Variants in TRPM1 observed in about 807,000 individuals in gnomAD.
TRPM1 encodes TRPM1-203 APA Isoform, Intron 10.
In TRPM1, 113 loss-of-function variants were observed where a neutral mutation model predicts 149.4. The ratio of observed to expected loss-of-function variants is 0.76; its 90% CI spans 0.65 to 0.88. The LOEUF (loss-of-function observed/expected upper bound fraction) is 0.88. Among genes scored for constraint, TRPM1 ranks in the 40% least tolerant of loss-of-function variants. TRPM1 has a pLI of 0.00. For missense variants in TRPM1, 1,976 were observed against 2,038.7 expected (o/e 0.97, Z 0.59); for synonymous variants, 741 against 759.5 (o/e 0.98, Z 0.40).
chr15:31,077,013 A>C, intron 2 of TRPM1, 29 bp from the exon 3 acceptor site: 1 of 1,460,914 alleles, frequency 6.8e-7, no homozygotes, highest in Non-Finnish European at 9.6e-7. Context: ...TGGATATTGG[A>C]CCAATACATT....
chr15:31,145,097 C>A (rs753860872), intron 1 of TRPM1, among the ~76,000 whole-genome samples: 40 of 152,150 alleles, frequency 2.6e-4, no homozygotes, highest in Non-Finnish European at 5.9e-5. Flanking sequence ...CAATATCTTA[C>A]AACTCTCCGA....
chr15:31,032,969 C>T, intron 21 of TRPM1, 29 bp from the exon 22 acceptor site: 3 of 1,613,684 alleles, frequency 1.9e-6, no homozygotes, highest in East Asian at 2.2e-5. Context: ...GAACAATAAA[C>T]TGAGATGCCG....
intron 27 of TRPM1, among the ~76,000 whole-genome samples, chr15:31,023,408 C>T (rs1159795982): frequency 6.6e-6 from 1 of 152,154 alleles, no homozygotes; most frequent in Non-Finnish European, 1.5e-5. Context: ...ACAGTGGGGG[C>T]CACAGAGGGT....
intron 1 of TRPM1, among the ~76,000 whole-genome samples, chr15:31,092,665 T>C (rs767657590): frequency 2.0e-5 from 3 of 152,220 alleles, no homozygotes; most frequent in African/African-American, 4.8e-5. Flanking sequence ...ACTGGAAATA[T>C]ACTTGTGCAT....
chr15:31,116,662 C>A (rs1016934098), intron 1 of TRPM1, among the ~76,000 whole-genome samples: 26 of 151,768 alleles, frequency 1.7e-4, no homozygotes, highest in African/African-American at 6.0e-4. Flanking sequence ...CCACACCTTA[C>A]CGGCATCACC....
At chr15:31,020,941 AAGCCACAC>A (rs1427664549) in intron 27 of TRPM1, among the ~76,000 whole-genome samples, 2 of 152,114 alleles carry the variant, frequency 1.3e-5, no homozygotes, top group African/African-American at 4.8e-5. Context: ...GGCAAGAACG[AAGCCACAC>A]CCTCCAGTAC....
chr15:31,061,313 A>G, intron 10 of TRPM1, 129 bp downstream of exon 10: 1 of 874,548 alleles, frequency 1.1e-6, no homozygotes, highest in South Asian at 1.4e-5. Context: ...TCATGCTGAG[A>G]CTGCTCAAGT....
At chr15:31,136,061 C>T (rs546041632) in intron 1 of TRPM1, among the ~76,000 whole-genome samples, 2 of 152,124 alleles carry the variant, frequency 1.3e-5, no homozygotes, top group African/African-American at 2.4e-5. Context: ...AATCCCTGAA[C>T]GTGTATAGGC....
In TRPM1 at chr15:31,124,616, C is replaced by T. The variant is rs964047351; in HGVS notation, c.54+36290G>A. On this transcript the variant is annotated intron_variant, in intron 1 of 26. Transcript: ENST00000542188. ...TTGCAGTGACCCAAGATCGCACCAT[C>T]GTACTCCAGCCTGGATGACAGAGTT... Among the ~76,000 whole-genome samples the T allele has an allele frequency of 4.2e-5, 6 of 141,764 alleles. No homozygotes were observed. The South Asian group carries it at 6.7e-4, about 16-fold the overall frequency. The allele number at this position is 141,764 out of a possible 152,430, so 93.0% of individuals were successfully genotyped here. A position where few individuals can be genotyped will look rare whatever the true frequency, so the allele number is the denominator to read the frequency against.
intron 11 of TRPM1, 83 bp downstream of exon 11, chr15:31,060,461 C>G: frequency 8.6e-7 from 1 of 1,168,512 alleles, no homozygotes; most frequent in Non-Finnish European, 1.3e-6. Context: ...TTCCTGAATT[C>G]CATGTCACAA....
chr15:31,048,407 T>C (rs1432739119), intron 13 of TRPM1, among the ~76,000 whole-genome samples: 1 of 152,186 alleles, frequency 6.6e-6, no homozygotes, highest in Non-Finnish European at 1.5e-5. Context: ...GAGCTGGTCA[T>C]GGTTAGAAAG....
At chr15:31,054,484 G>A (rs1317662070) in intron 11 of TRPM1, among the ~76,000 whole-genome samples, 1 of 151,864 alleles carries the variant, frequency 6.6e-6, no homozygotes, top group African/African-American at 2.4e-5. Context: ...TAGTAGAGAC[G>A]GGGTTTCACC....
At chr15:31,103,149 C>T (rs997518158), upstream of TRPM1, among the ~76,000 whole-genome samples, 6 of 152,214 alleles carry the variant, frequency 3.9e-5, no homozygotes, top group African/African-American at 1.4e-4. Flanking sequence ...CGACCGGCTG[C>T]CAGTCAGTGG....
At chr15:31,017,607 C>T (rs1282846185) in intron 27 of TRPM1, among the ~76,000 whole-genome samples, 1 of 152,190 alleles carries the variant, frequency 6.6e-6, no homozygotes, top group Admixed American at 6.5e-5. Context: ...ACTGTGTGCT[C>T]TGTGAACTGT....
intron 16 of TRPM1, among the ~76,000 whole-genome samples, chr15:31,044,498 C>T (rs1247753190): frequency 1.3e-5 from 2 of 152,084 alleles, no homozygotes; most frequent in Non-Finnish European, 2.9e-5. Context: ...AGAGGCTGGG[C>T]GTGGTGGCTC....
chr15:31,150,837 T>C (rs891295710), intron 1 of TRPM1, among the ~76,000 whole-genome samples: 3 of 152,132 alleles, frequency 2.0e-5, no homozygotes, highest in Non-Finnish European at 2.9e-5. Flanking sequence ...TAAGAAAGTC[T>C]ACACAGGTGA....
At chr15:31,087,507 G>T (rs2035037034) in intron 1 of TRPM1, among the ~76,000 whole-genome samples, 1 of 151,948 alleles carries the variant, frequency 6.6e-6, no homozygotes, top group Non-Finnish European at 1.5e-5. Flanking sequence ...GCCTGCCTCA[G>T]CCTCCCAAAG....
chr15:31,096,504 G>A (rs2035388982), intron 1 of TRPM1, among the ~76,000 whole-genome samples: 2 of 152,180 alleles, frequency 1.3e-5, no homozygotes, highest in South Asian at 4.1e-4. Flanking sequence ...CACCTCAACA[G>A]CTCCCCTTCC....
At chr15:31,145,697 A>C (rs2036216328) in intron 1 of TRPM1, among the ~76,000 whole-genome samples, 1 of 152,230 alleles carries the variant, frequency 6.6e-6, no homozygotes, top group Admixed American at 6.5e-5. Flanking sequence ...CTCGTTGTAC[A>C]TAGATGAATA....
Sources: gnomAD v4.1 joint callset for allele counts (sites outside exome capture counted in the v4.1 genomes callset) on GRCh38, gnomAD v4.1.1 for gene constraint, MANE v1.5 for transcripts, NCBI Gene and HGNC (gene_info 2026-07-23, HGNC 2026-07-21) for gene names.